C1orf185: variants seen among roughly 807,000 people sequenced by gnomAD.
C1orf185 encodes the protein chromosome 1 open reading frame 185.
A neutral mutation model predicts 16.1 loss-of-function variants in C1orf185; 13 were observed. That is an observed-to-expected ratio of 0.81 (90% CI 0.53 to 1.28). C1orf185 has a LOEUF of 1.28. C1orf185 is among the 50% of genes most tolerant of loss of function. The probability of loss-of-function intolerance (pLI) is 0.00; values close to 1 mark genes in which losing one functional copy is unlikely to be tolerated. For synonymous variants in C1orf185, 80 were observed against 76.9 expected (o/e 1.04, Z -0.21); for missense variants, 220 against 225.2 (o/e 0.98, Z 0.15).
chr1:51,107,033 A>G (rs1646078237), intron 1 of C1orf185, among the ~76,000 whole-genome samples: 1 of 152,188 alleles, frequency 6.6e-6, no homozygotes, highest in African/African-American at 2.4e-5. Context: ...CTGGGATTAC[A>G]GGCGTGAGCC....
chr1:51,140,922 G>T (rs1339556361), intron 3 of C1orf185, among the ~76,000 whole-genome samples: 4 of 152,052 alleles, frequency 2.6e-5, no homozygotes, highest in Non-Finnish European at 5.9e-5. Flanking sequence ...TCAAAGAACT[G>T]TATACTTGTT....
At chr1:51,134,201 T>C (rs1322080005) in intron 3 of C1orf185, among the ~76,000 whole-genome samples, 4 of 152,090 alleles carry the variant, frequency 2.6e-5, no homozygotes, top group Non-Finnish European at 4.4e-5. Flanking sequence ...CAAAACCATA[T>C]AATTACATGG....
intron 3 of C1orf185, among the ~76,000 whole-genome samples, chr1:51,123,039 G>A (rs1030270124): frequency 6.6e-6 from 1 of 152,156 alleles, no homozygotes; most frequent in African/African-American, 2.4e-5. Context: ...CTAAGGTCAA[G>A]GAGGGGCACA....
At chr1:51,152,272 C>T (rs1646433071), downstream of C1orf185, among the ~76,000 whole-genome samples, 1 of 152,186 alleles carries the variant, frequency 6.6e-6, no homozygotes, top group African/African-American at 2.4e-5. Context: ...ACTGGCCTCT[C>T]TATAGTCTGT....
intron 1 of C1orf185, among the ~76,000 whole-genome samples, chr1:51,110,483 T>C (rs977620447): frequency 2.0e-5 from 3 of 152,160 alleles, no homozygotes; most frequent in Non-Finnish European, 2.9e-5. Context: ...AGGCACTATC[T>C]TGAAGCTGGA....
chr1:51,105,578 C>A (rs922941912), intron 1 of C1orf185, among the ~76,000 whole-genome samples: 1 of 152,008 alleles, frequency 6.6e-6, no homozygotes, highest in South Asian at 2.1e-4. Flanking sequence ...AGTAACCAGT[C>A]ATTATTCTAA....
chr1:51,121,256 G>C (rs1646195716), intron 3 of C1orf185, among the ~76,000 whole-genome samples: 1 of 151,862 alleles, frequency 6.6e-6, no homozygotes. Flanking sequence ...CATCTCCTCT[G>C]TCACCCTGCC....
chr1:51,103,354 T>G (rs527382796), intron 1 of C1orf185, among the ~76,000 whole-genome samples: 80 of 150,250 alleles, frequency 5.3e-4, no homozygotes, highest in Admixed American at 2.5e-3. Context: ...TACAATGAGC[T>G]ATGATCATGC....
intron 3 of C1orf185, among the ~76,000 whole-genome samples, chr1:51,130,126 G>C (rs1436092565): frequency 6.6e-6 from 1 of 152,070 alleles, no homozygotes; most frequent in African/African-American, 2.4e-5. Context: ...TGCACATAAA[G>C]GGCCACAAAC....
At chr1:51,128,823 C>T (rs530902503) in intron 3 of C1orf185, among the ~76,000 whole-genome samples, 23 of 151,988 alleles carry the variant, frequency 1.5e-4, no homozygotes, top group Middle Eastern at 3.4e-3. Context: ...AGTCTTTTAC[C>T]CACTTTTTAA....
At chr1:51,124,060 C>T (rs1337606492) in intron 3 of C1orf185, among the ~76,000 whole-genome samples, 1 of 145,412 alleles carries the variant, frequency 6.9e-6, no homozygotes, top group Non-Finnish European at 1.5e-5. Context: ...GCTTGTATCT[C>T]TTGGTATTTC....
intron 2 of C1orf185, among the ~76,000 whole-genome samples, chr1:51,115,950 T>TA (rs760740707): frequency 2.0e-5 from 3 of 152,160 alleles, no homozygotes; most frequent in Non-Finnish European, 4.4e-5. Flanking sequence ...CGTAAGCAGA[T>TA]ACGTAGTTTA....
chr1:51,143,193 C>A (rs1646377793), intron 3 of C1orf185, among the ~76,000 whole-genome samples: 1 of 152,184 alleles, frequency 6.6e-6, no homozygotes, highest in South Asian at 2.1e-4. Context: ...TGTGTGAAGA[C>A]ACTTTGAAAC....
At chr1:51,102,576 A>T (rs1646040357) in intron 1 of C1orf185, among the ~76,000 whole-genome samples, 1 of 152,234 alleles carries the variant, frequency 6.6e-6, no homozygotes, top group African/African-American at 2.4e-5. Flanking sequence ...CATTGAAAGT[A>T]TTTATTTTAA....
intron 3 of C1orf185, among the ~76,000 whole-genome samples, chr1:51,133,078 G>C (rs1646297340): frequency 6.6e-6 from 1 of 152,082 alleles, no homozygotes; most frequent in African/African-American, 2.4e-5. Flanking sequence ...ATATGGAAAG[G>C]AAAGACCCTT....
chr1:51,145,413 T>A (rs972817256), intron 3 of C1orf185, among the ~76,000 whole-genome samples: 4 of 152,142 alleles, frequency 2.6e-5, no homozygotes, highest in Non-Finnish European at 5.9e-5. Flanking sequence ...AGTCTAGGAA[T>A]TCTAATTATT....
At chr1:51,139,641 A>G (rs540868002) in intron 3 of C1orf185, among the ~76,000 whole-genome samples, 1 of 152,334 alleles carries the variant, frequency 6.6e-6, no homozygotes, top group Non-Finnish European at 1.5e-5. Context: ...TGTGACAAGG[A>G]TAATTATTTA....
At chr1:51,117,132 C>CTA (rs1478796731) in intron 2 of C1orf185, among the ~76,000 whole-genome samples, 1 of 152,180 alleles carries the variant, frequency 6.6e-6, no homozygotes, top group Non-Finnish European at 1.5e-5. Context: ...CCTCCTACCA[C>CTA]TATATATACA....
At chr1:51,151,842 C>G (rs1043160175), downstream of C1orf185, among the ~76,000 whole-genome samples, 4 of 152,076 alleles carry the variant, frequency 2.6e-5, no homozygotes, top group Non-Finnish European at 5.9e-5. Flanking sequence ...GCGCCCACCA[C>G]CACACCTGGA....
Sources: allele counts gnomAD v4.1 joint callset (sites outside exome capture counted in the v4.1 genomes callset), GRCh38; gene constraint gnomAD v4.1.1; transcripts MANE v1.5; gene names NCBI Gene and HGNC (gene_info 2026-07-23, HGNC 2026-07-21).